The following MAPK8 variants were observed in gnomAD, a reference collection of about 807,000 sequenced individuals.
MAPK8 encodes the protein mitogen-activated protein kinase 8.
MAPK8 carries 13 observed loss-of-function variants against 52.9 expected under a neutral mutation model. That is an observed-to-expected ratio of 0.25 (90% CI 0.16 to 0.39). The LOEUF (loss-of-function observed/expected upper bound fraction) is 0.39. Among genes scored for constraint, MAPK8 ranks in the 10% least tolerant of loss-of-function variants. MAPK8 has a pLI of 1.00. For synonymous variants in MAPK8, 191 were observed against 169.8 expected (o/e 1.12, Z -0.97); for missense variants, 300 against 519.2 (o/e 0.58, Z 4.10).
chr10:48,435,110 C>A lies in MAPK8; in HGVS notation c.*81C>A. 2 of 1,078,676 alleles carry A rather than the reference C, an allele frequency of 1.9e-6. No individual in the cohort carries two copies. The highest frequency in any genetic ancestry group is 1.2e-6 in the Non-Finnish European group (1 of 801,212). 66.8% of individuals were successfully genotyped at this position (1,078,676 alleles called of 1,614,324 possible). On this transcript the variant is annotated 3_prime_UTR_variant, in exon 12 of 12. Coordinates refer to ENST00000374189, the MANE Select transcript of MAPK8 (RefSeq NM_001323329.2). ...ACTACTTTGAAAACAATTCAGTGGT[C>A]TTATTTTTGGGTGATTTTTCAAAAA...
chr10:48,343,840 C>T (rs921590550), intron 1 of MAPK8, among the ~76,000 whole-genome samples: 1 of 152,212 alleles, frequency 6.6e-6, no homozygotes, highest in African/African-American at 2.4e-5. Flanking sequence ...TCATTGTATA[C>T]TGTTGATACC....
chr10:48,322,099 CTG>C (rs911796874), intron 1 of MAPK8, among the ~76,000 whole-genome samples: 13 of 152,240 alleles, frequency 8.5e-5, no homozygotes, highest in African/African-American at 3.1e-4. Flanking sequence ...GAGGGTCTGT[CTG>C]TGAGTGTATG....
rs561081829 is a variant in MAPK8, at chr10:48,337,562, C to G, written c.-50+30741C>G. On this transcript the variant is annotated intron_variant, in intron 1 of 11. Coordinates refer to ENST00000374189, the MANE Select transcript of MAPK8 (RefSeq NM_001323329.2). ...AGGAACTAGCAAAATAAGAACAAAC[C>G]AACCTGAAAGCTAGCAGAACAAAAG... Among the ~76,000 whole-genome samples, 9 of 152,036 alleles carry G rather than the reference C, an allele frequency of 5.9e-5. No homozygotes were observed. The East Asian group carries it at 9.6e-4, about 16-fold the overall frequency.
intron 3 of MAPK8, 110 bp from the exon 4 acceptor site, chr10:48,409,765 TAAAG>T: frequency 1.4e-6 from 1 of 715,354 alleles, no homozygotes; most frequent in Non-Finnish European, 2.3e-6. Context: ...GCTTAGAATG[TAAAG>T]AAAGATTTTA....
chr10:48,316,831 A>G (rs1842548622), intron 1 of MAPK8, among the ~76,000 whole-genome samples: 1 of 152,192 alleles, frequency 6.6e-6, no homozygotes, highest in Non-Finnish European at 1.5e-5. Context: ...TGCTCCCACC[A>G]AAAAGCTAAG....
intron 1 of MAPK8, among the ~76,000 whole-genome samples, chr10:48,309,987 A>G (rs916198607): frequency 3.9e-5 from 6 of 152,232 alleles, no homozygotes; most frequent in African/African-American, 1.4e-4. Context: ...CTGAACATTT[A>G]GAAGCCTTGC....
intron 1 of MAPK8, among the ~76,000 whole-genome samples, chr10:48,318,663 G>C (rs966269636): frequency 6.6e-6 from 1 of 152,162 alleles, no homozygotes; most frequent in Non-Finnish European, 1.5e-5. Flanking sequence ...AATCCTGAAC[G>C]TGAGGAGGCC....
intron 1 of MAPK8, among the ~76,000 whole-genome samples, chr10:48,358,279 C>G (rs1391825523): frequency 6.6e-6 from 1 of 152,130 alleles, no homozygotes; most frequent in African/African-American, 2.4e-5. Flanking sequence ...ATATTTCTAC[C>G]CATGTGATAT....
At chr10:48,342,729 C>T (rs890012132) in intron 1 of MAPK8, among the ~76,000 whole-genome samples, 1 of 152,092 alleles carries the variant, frequency 6.6e-6, no homozygotes, top group African/African-American at 2.4e-5. Flanking sequence ...CATGTTTCTA[C>T]CGTTTGCTGA....
At chr10:48,347,356 A>G (rs1422648818) in intron 1 of MAPK8, among the ~76,000 whole-genome samples, 1 of 152,272 alleles carries the variant, frequency 6.6e-6, no homozygotes, top group African/African-American at 2.4e-5. Context: ...GACAGTTAAT[A>G]CATGCTGACA....
chr10:48,341,579 A>G (rs1230657485), intron 1 of MAPK8, among the ~76,000 whole-genome samples: 5 of 152,344 alleles, frequency 3.3e-5, no homozygotes, highest in East Asian at 1.9e-4. Context: ...TCATTTTTCA[A>G]TTGGTAAATA....
intron 2 of MAPK8, among the ~76,000 whole-genome samples, chr10:48,403,425 T>C (rs1413969866): frequency 2.0e-5 from 3 of 150,208 alleles, no homozygotes; most frequent in African/African-American, 7.4e-5. Context: ...GTCACTGCAC[T>C]CCAGCCTGGG....
intron 1 of MAPK8, among the ~76,000 whole-genome samples, chr10:48,361,745 G>C (rs2698767): frequency 0.55 from 83,864 of 151,976 alleles, 23,254 homozygotes; most frequent in Middle Eastern, 0.73. Flanking sequence ...TGGGGCGTAG[G>C]GGGGAGCTTA....
At chr10:48,331,261 G>A (rs1588965485) in intron 1 of MAPK8, among the ~76,000 whole-genome samples, 2 of 152,264 alleles carry the variant, frequency 1.3e-5, no homozygotes, top group African/African-American at 4.8e-5. Context: ...GACCTGGCAG[G>A]CATCAAATCT....
chr10:48,331,648 G>A (rs1844163905), intron 1 of MAPK8, among the ~76,000 whole-genome samples: 1 of 152,184 alleles, frequency 6.6e-6, no homozygotes, highest in Non-Finnish European at 1.5e-5. Flanking sequence ...TTGCCAGGCT[G>A]GAAGTGGTGA....
At chr10:48,429,648 T>A (rs1439901227) in intron 10 of MAPK8, among the ~76,000 whole-genome samples, 1 of 152,212 alleles carries the variant, frequency 6.6e-6, no homozygotes, top group Non-Finnish European at 1.5e-5. Context: ...TGTTTATCAT[T>A]CCTTTTTGTT....
chr10:48,400,503 A>G (rs2042106432), intron 1 of MAPK8, among the ~76,000 whole-genome samples: 1 of 152,170 alleles, frequency 6.6e-6, no homozygotes, highest in South Asian at 2.1e-4. Flanking sequence ...CCTGCAGTAC[A>G]ATCTACATGT....
Position 48,427,154 on chromosome 10 carries a change from C to A in MAPK8, c.1060+11C>A. Reference sequence around the variant, plus strand: ...TAGAAGAGTGGAAAGGTACATTCGTCAGATTCTTAGAGGGAAAACTGTGAA... The same window carrying A: ...TAGAAGAGTGGAAAGGTACATTCGTAAGATTCTTAGAGGGAAAACTGTGAA... On this transcript the variant is annotated intron_variant, in intron 10 of 11. Coordinates refer to ENST00000374189, the MANE Select transcript of MAPK8 (RefSeq NM_001323329.2). 1 of 1,603,608 alleles carries A rather than the reference C, an allele frequency of 6.2e-7. No homozygotes were observed. The highest frequency in any genetic ancestry group is 8.5e-7 in the Non-Finnish European group (1 of 1,171,620).
intron 3 of MAPK8, among the ~76,000 whole-genome samples, chr10:48,406,281 A>T (rs1358811320): frequency 6.6e-6 from 1 of 152,230 alleles, no homozygotes; most frequent in Admixed American, 6.5e-5. Context: ...TGTGTTGCTC[A>T]TCACAGTTTT....
Sources: gnomAD v4.1 joint callset for allele counts (sites outside exome capture counted in the v4.1 genomes callset) on GRCh38, gnomAD v4.1.1 for gene constraint, MANE v1.5 for transcripts, NCBI Gene and HGNC (gene_info 2026-07-23, HGNC 2026-07-21) for gene names.